The following ZNF469 variants were observed in gnomAD, a reference collection of about 807,000 sequenced individuals.
The protein encoded by ZNF469 is zinc finger protein 469.
A neutral mutation model predicts 1.0 loss-of-function variants in ZNF469; 1 was observed. That is an observed-to-expected ratio of 1.00 (90% confidence interval 0.35 to 4.73). The LOEUF (loss-of-function observed/expected upper bound fraction) is 4.73, where lower values mean the gene tolerates loss of function less well. Ranked by LOEUF, ZNF469 falls within the 30% of genes most tolerant of loss-of-function variation. ZNF469 has a pLI of 0.16. For synonymous variants in ZNF469, 2,703 were observed against 2,363.4 expected (o/e 1.14, Z -4.17); for missense variants, 6,100 against 5,356.3 (o/e 1.14, Z -4.33).
chr16:88,272,158 G>T, the ZNF469 span, among the ~76,000 whole-genome samples: 1 of 149,184 alleles, frequency 6.7e-6, no homozygotes, highest in Non-Finnish European at 1.5e-5. Flanking sequence ...AGACGAGTGG[G>T]TGGGTAGATG....
chr16:88,352,809 G>C, the ZNF469 span, among the ~76,000 whole-genome samples: 1 of 152,178 alleles, frequency 6.6e-6, no homozygotes, highest in Non-Finnish European at 1.5e-5. Flanking sequence ...GGCTGCCCCG[G>C]CCTCACAGCT....
At chr16:88,260,214 C>A in the ZNF469 span, among the ~76,000 whole-genome samples, 1 of 152,058 alleles carries the variant, frequency 6.6e-6, no homozygotes, top group Admixed American at 6.5e-5. The surrounding 1 kb of genome is among the most constrained non-coding windows in gnomAD (Gnocchi z 4.1). Flanking sequence ...GTCTCACACT[C>A]CTGACCTCAA....
chr16:88,257,866 A>C, the ZNF469 span, among the ~76,000 whole-genome samples: 412 of 152,272 alleles, frequency 2.7e-3, 19 homozygotes, highest in South Asian at 0.073. Flanking sequence ...GTTATGTATG[A>C]GACCCCACAA....
At chr16:88,384,465 G>C (rs1473030814) in intron 1 of ZNF469, among the ~76,000 whole-genome samples, 1 of 152,176 alleles carries the variant, frequency 6.6e-6, no homozygotes, top group African/African-American at 2.4e-5. Context: ...CTCGGAAGCT[G>C]GGGCGGAGCT....
At chr16:88,239,666 TGTATATATATATATATATATATATATA>T in the ZNF469 span, among the ~76,000 whole-genome samples, 1 of 40,588 alleles carries the variant, frequency 2.5e-5, no homozygotes, top group Non-Finnish European at 4.7e-5. Context: ...TTTTTTTTTT[TGTATATATATATATATATATATATATA>T]TATATATATA....
chr16:88,162,670 G>GCC, the ZNF469 span, among the ~76,000 whole-genome samples: 4,030 of 148,852 alleles, frequency 0.027, 83 homozygotes, highest in African/African-American at 0.047. Flanking sequence ...TCTTTTTAGT[G>GCC]CCCCCCCCCT....
the ZNF469 span, among the ~76,000 whole-genome samples, chr16:88,336,670 C>T: frequency 8.8e-4 from 131 of 149,436 alleles, no homozygotes; most frequent in African/African-American, 2.5e-3. Flanking sequence ...CGTGAGACAC[C>T]GACATGCCAA....
At chr16:88,226,156 G>A in the ZNF469 span, among the ~76,000 whole-genome samples, 13 of 152,152 alleles carry the variant, frequency 8.5e-5, no homozygotes, top group African/African-American at 2.2e-4. Context: ...GGTGCTAAAC[G>A]TCTTCCACCT....
At chr16:88,260,996 G>T in the ZNF469 span, among the ~76,000 whole-genome samples, 1 of 152,196 alleles carries the variant, frequency 6.6e-6, no homozygotes, top group Non-Finnish European at 1.5e-5. This position sits in a 1 kb window ranked among gnomAD's most constrained non-coding sequence, Gnocchi z 4.1. Flanking sequence ...GAAACACGGC[G>T]GAGAGGATCA....
At chr16:88,332,074 T>C in the ZNF469 span, among the ~76,000 whole-genome samples, 3 of 152,232 alleles carry the variant, frequency 2.0e-5, no homozygotes, top group Non-Finnish European at 4.4e-5. Context: ...CAGATAGCTT[T>C]CCTCACAGCC....
the ZNF469 span, among the ~76,000 whole-genome samples, chr16:88,141,175 A>G: frequency 6.6e-6 from 1 of 152,240 alleles, no homozygotes; most frequent in South Asian, 2.1e-4. Flanking sequence ...TAGTAGAAAA[A>G]TAGAATAGTT....
At chr16:88,160,385 C>T in the ZNF469 span, among the ~76,000 whole-genome samples, 1 of 152,202 alleles carries the variant, frequency 6.6e-6, no homozygotes, top group African/African-American at 2.4e-5. Context: ...CGGCATCTGT[C>T]CGAGACCGGC....
the ZNF469 span, among the ~76,000 whole-genome samples, chr16:88,323,196 G>A: frequency 2.0e-5 from 3 of 152,174 alleles, no homozygotes; most frequent in Non-Finnish European, 4.4e-5. Flanking sequence ...CTTCTGCCAC[G>A]CAGTCTGCCC....
At chr16:88,225,319 C>G in the ZNF469 span, among the ~76,000 whole-genome samples, 1 of 152,218 alleles carries the variant, frequency 6.6e-6, no homozygotes, top group Non-Finnish European at 1.5e-5. Flanking sequence ...TGCATTGACT[C>G]GATTCAGAGT....
intron 1 of ZNF469, among the ~76,000 whole-genome samples, chr16:88,422,281 A>AATGGATGGGTGG (rs1905490094): frequency 8.2e-6 from 1 of 121,790 alleles, no homozygotes; most frequent in African/African-American, 3.4e-5. Flanking sequence ...ATAGGTGGGT[A>AATGGATGGGTGG]ATGGATGGAT....
At chr16:88,185,615 GAC>G in the ZNF469 span, among the ~76,000 whole-genome samples, 3,288 of 147,914 alleles carry the variant, frequency 0.022, 101 homozygotes, top group African/African-American at 0.077. Flanking sequence ...CAGACCTACA[GAC>G]ACACTCACAT....
the ZNF469 span, among the ~76,000 whole-genome samples, chr16:88,255,661 C>T: frequency 6.6e-6 from 1 of 152,154 alleles, no homozygotes; most frequent in African/African-American, 2.4e-5. Context: ...GGAAAGAATC[C>T]TGAAAAGTGC....
the ZNF469 span, among the ~76,000 whole-genome samples, chr16:88,256,934 C>CTT: frequency 6.7e-5 from 1 of 14,846 alleles, no homozygotes; most frequent in African/African-American, 2.3e-4. Flanking sequence ...TTCTTTCTTT[C>CTT]TTTCTTTCTT....
At chr16:88,418,142 G>T (rs1208882064) in intron 1 of ZNF469, among the ~76,000 whole-genome samples, 1 of 152,218 alleles carries the variant, frequency 6.6e-6, no homozygotes, top group Non-Finnish European at 1.5e-5. Flanking sequence ...GCCCAGGATG[G>T]GGGCAAGCAG....
Sources: allele counts gnomAD v4.1 joint callset (sites outside exome capture counted in the v4.1 genomes callset), GRCh38; gene constraint gnomAD v4.1.1; non-coding constraint Gnocchi (gnomAD v3.1); transcripts MANE v1.5; gene names NCBI Gene and HGNC (gene_info 2026-07-23, HGNC 2026-07-21).